DOCK11: variants seen among roughly 807,000 people sequenced by gnomAD.
The protein encoded by DOCK11 is dedicator of cytokinesis 11, also known as dedicator of cytokinesis protein 11.
DOCK11 carries 70 observed loss-of-function variants against 169.1 expected under a neutral mutation model. That is an observed-to-expected ratio of 0.41 (90% CI 0.34 to 0.51). DOCK11 has a LOEUF of 0.51. Ranked by LOEUF, DOCK11 falls within the 20% of genes least tolerant of loss-of-function variation. The probability of loss-of-function intolerance (pLI) is 0.10; values close to 1 mark genes in which losing one functional copy is unlikely to be tolerated. For missense variants in DOCK11, 1,166 were observed against 1,538.8 expected (o/e 0.76, Z 4.05); for synonymous variants, 529 against 541.3 (o/e 0.98, Z 0.32).
intron 45 of DOCK11, among the ~76,000 whole-genome samples, chrX:118,668,749 G>A (rs753820751): frequency 9.0e-6 from 1 of 111,415 alleles, no homozygotes; most frequent in Non-Finnish European, 1.9e-5. Context: ...AAAAAAAGAT[G>A]TGTAGTGTCT....
In DOCK11 at chrX:118,515,876, C is replaced by T. The variant is rs369520124; in HGVS notation, c.102+19803C>T. ...AGACTGTTTGACTTTTGGGGGATCT[C>T]CTTTTGCTTATTTGTAAACATTGGA... On this transcript the variant is annotated intron_variant, in intron 1 of 52. Transcript: ENST00000276202. Among the ~76,000 whole-genome samples the T allele has an allele frequency of 6.3e-4, 66 of 104,969 alleles. 1 individual carries two copies. Among genetic ancestry groups the T allele is most frequent in the African/African-American group, 1.9e-3 (55 of 28,307 alleles). The allele number at this position is 104,969 out of a possible 115,157, so 91.2% of individuals were successfully genotyped here.
chrX:118,605,369 G>A lies in DOCK11; in HGVS notation c.2681+13G>A, dbSNP rs752379811. ...TCAACTGCACCATGTGAGTTTTGGTGTTATAATACAAAGATGCTATTTATT... is the reference window on the plus strand; with the variant it reads ...TCAACTGCACCATGTGAGTTTTGGTATTATAATACAAAGATGCTATTTATT... On this transcript the variant is annotated intron_variant, in intron 24 of 52. Transcript: ENST00000276202. 1 of 1,059,445 alleles carries A rather than the reference G, an allele frequency of 9.4e-7. No homozygotes were observed. The highest frequency in any genetic ancestry group is 2.0e-5 in the South Asian group (1 of 49,670). The allele number at this position is 1,059,445 out of a possible 1,213,427, so 87.3% of individuals were successfully genotyped here. A position where few individuals can be genotyped will look rare whatever the true frequency, so the allele number is the denominator to read the frequency against.
In DOCK11 at chrX:118,554,410, C is replaced by T. The variant is rs185754257; in HGVS notation, c.559-6973C>T. On this transcript the variant is annotated intron_variant, in intron 6 of 52. Coordinates refer to ENST00000276202, the MANE Select transcript of DOCK11 (RefSeq NM_144658.4). The stretch of plus-strand genomic sequence containing the variant: ...ACTAAAAATACAAAAATTAGCCAGG[C>T]GTCGTGGTGTGCACCTGTAATATCA... 5.0e-3 allele frequency among the ~76,000 whole-genome samples: 546 copies of T among 110,211 alleles called. 3 individuals are homozygous for T. Among genetic ancestry groups the T allele is most frequent in the African/African-American group, 0.016 (486 of 30,257 alleles).
intron 29 of DOCK11, among the ~76,000 whole-genome samples, chrX:118,615,219 A>G (rs1250817159): frequency 8.9e-6 from 1 of 111,937 alleles, no homozygotes; most frequent in Non-Finnish European, 1.9e-5. Flanking sequence ...TAAAACTCAG[A>G]GTTGAGAGTT....
At chrX:118,641,911 T>G (rs1341100206) in intron 39 of DOCK11, among the ~76,000 whole-genome samples, 1 of 111,239 alleles carries the variant, frequency 9.0e-6, no homozygotes, top group Non-Finnish European at 1.9e-5. Context: ...TTCACTTCAG[T>G]TATACAGATT....
chrX:118,671,251 G>A, intron 46 of DOCK11, 106 bp downstream of exon 46: 1 of 729,790 alleles, frequency 1.4e-6, no homozygotes, highest in Non-Finnish European at 2.0e-6. Context: ...GTCCTCTGAA[G>A]AATATAAGGT....
At chrX:118,538,604 T>G in intron 1 of DOCK11, 1 of 561,554 alleles carries the variant, frequency 1.8e-6, no homozygotes, top group Non-Finnish European at 2.2e-6. Flanking sequence ...CTGAAACATA[T>G]GCTCACTTCT....
intron 31 of DOCK11, 110 bp from the exon 32 acceptor site, chrX:118,624,429 T>C: frequency 2.1e-6 from 1 of 478,482 alleles, no homozygotes; most frequent in East Asian, 3.8e-5. Flanking sequence ...TAATTTGTTA[T>C]GGATGTTAGC....
At chrX:118,546,951 C>T (rs2012307779) in intron 6 of DOCK11, among the ~76,000 whole-genome samples, 1 of 111,376 alleles carries the variant, frequency 9.0e-6, no homozygotes, top group Non-Finnish European at 1.9e-5. Context: ...GATGGCACTA[C>T]TGCATTCCAG....
intron 39 of DOCK11, among the ~76,000 whole-genome samples, chrX:118,642,532 A>G (rs183620315): frequency 7.1e-4 from 80 of 112,098 alleles, no homozygotes; most frequent in African/African-American, 2.5e-3. Flanking sequence ...CTTATGATGT[A>G]GATACTGTTA....
chrX:118,633,803 C>T (rs2015313122), intron 35 of DOCK11: 1 of 112,814 alleles, frequency 8.9e-6, no homozygotes, highest in Non-Finnish European at 1.9e-5. Context: ...AGTCATTTGA[C>T]TACCAGAAAC....
rs986781255 is a variant in DOCK11, at chrX:118,609,278, T to C, written c.2878T>C (p.Tyr960His). ...AAGATTCTCTTTCTTTTTTTTTCAG[T>C]ACTCATGGTTTTTCTTTGAAATAAT... ...DFLSINKLLK[Y>H]SWFFFEIIAK... Residue 960 changes from tyrosine to histidine, a missense_variant and splice_region_variant, in exon 27 of 53, where the codon TAC becomes CAC. Transcript: ENST00000276202. 1.7e-6 allele frequency: 2 copies of C among 1,190,619 alleles called. No homozygotes were observed. Among genetic ancestry groups the C allele is most frequent in the Non-Finnish European group, 1.1e-6 (1 of 880,030 alleles).
rs151238072 is a variant in DOCK11 at position 118,571,575 on chromosome X, C to T, written c.1036-748C>T. Reference sequence around the variant, plus strand: ...GTCTTGCCTAGGCTGGTCTCGAACTCCTGGCCTCAAGCGAAATTCCCTCCT... The same window carrying T: ...GTCTTGCCTAGGCTGGTCTCGAACTTCTGGCCTCAAGCGAAATTCCCTCCT... On this transcript the variant is annotated intron_variant, in intron 10 of 52. Transcript: ENST00000276202. 5.1e-3 allele frequency among the ~76,000 whole-genome samples: 569 copies of T among 110,969 alleles called. 15 individuals are homozygous for T. The South Asian group carries it at 0.056, about 11-fold the overall frequency.
At chrX:118,526,040 G>T (rs1368474912) in intron 1 of DOCK11, among the ~76,000 whole-genome samples, 1 of 111,700 alleles carries the variant, frequency 9.0e-6, no homozygotes, top group Non-Finnish European at 1.9e-5. Flanking sequence ...AGAAAGACCT[G>T]AGCAGTGAAA....
intron 32 of DOCK11, among the ~76,000 whole-genome samples, chrX:118,626,270 C>T (rs1211042977): frequency 9.2e-6 from 1 of 108,255 alleles, no homozygotes; most frequent in Non-Finnish European, 1.9e-5. Flanking sequence ...GGGGTTTCAC[C>T]ATGTTGGCCA....
chrX:118,545,850 T>C (rs1235875203), intron 5 of DOCK11, among the ~76,000 whole-genome samples, 171 bp from the exon 6 acceptor site: 3 of 112,122 alleles, frequency 2.7e-5, no homozygotes, highest in Non-Finnish European at 5.6e-5. Context: ...ACTGTGTGCA[T>C]AGCACAGAGC....
chrX:118,617,016 C>A (rs1209579222), intron 30 of DOCK11, among the ~76,000 whole-genome samples: 2 of 111,934 alleles, frequency 1.8e-5, no homozygotes, highest in African/African-American at 6.5e-5. Flanking sequence ...GACAGATAAT[C>A]AGGATTTAGG....
intron 40 of DOCK11, among the ~76,000 whole-genome samples, chrX:118,645,750 T>C (rs893911504): frequency 3.7e-5 from 4 of 108,048 alleles, no homozygotes; most frequent in Non-Finnish European, 7.7e-5. Flanking sequence ...GATAATCTTA[T>C]CTTAGATAGG....
intron 11 of DOCK11, among the ~76,000 whole-genome samples, chrX:118,573,287 A>G (rs1295791759): frequency 8.9e-6 from 1 of 112,719 alleles, no homozygotes; most frequent in Non-Finnish European, 1.9e-5. Context: ...CTTTGTGACC[A>G]TCTTTCAAAT....
Sources: allele counts gnomAD v4.1 joint callset (sites outside exome capture counted in the v4.1 genomes callset), GRCh38; gene constraint gnomAD v4.1.1; transcripts MANE v1.5; gene names NCBI Gene and HGNC (gene_info 2026-07-23, HGNC 2026-07-21).